The following WAPL variants were observed in gnomAD, a reference collection of about 807,000 sequenced individuals.
WAPL encodes WAPL cohesin release factor.
A neutral mutation model predicts 121.0 loss-of-function variants in WAPL; 5 were observed. The observed-to-expected ratio is 0.04, with a 90% CI of 0.02 to 0.09. The LOEUF is 0.09. WAPL is among the 10% of genes least tolerant of loss of function. WAPL has a pLI of 1.00. For missense variants in WAPL, 999 were observed against 1,410.8 expected (o/e 0.71, Z 4.68); for synonymous variants, 480 against 481.5 (o/e 1.00, Z 0.04).
At chr10:86,438,228 A>G (rs2132160536) in intron 17 of WAPL, among the ~76,000 whole-genome samples, 1 of 152,014 alleles carries the variant, frequency 6.6e-6, no homozygotes, top group South Asian at 2.1e-4. Flanking sequence ...CAAAAGCTAC[A>G]AAGAAATATT....
intron 2 of WAPL, among the ~76,000 whole-genome samples, chr10:86,513,279 T>G (rs1400304462): frequency 6.6e-6 from 1 of 151,484 alleles, no homozygotes; most frequent in Non-Finnish European, 1.5e-5. Context: ...TTACAGCCAC[T>G]GTATGTTTTA....
At chr10:86,515,864 C>CTTTTTTTTTT (rs377683656) in intron 2 of WAPL, among the ~76,000 whole-genome samples, 5 of 101,148 alleles carry the variant, frequency 4.9e-5, no homozygotes, top group Admixed American at 1.4e-4. Context: ...CTGTCTATGC[C>CTTTTTTTTTT]TTTTTTTTTT....
chr10:86,439,666 G>C (rs1849413225), intron 17 of WAPL, among the ~76,000 whole-genome samples: 1 of 152,222 alleles, frequency 6.6e-6, no homozygotes, highest in Non-Finnish European at 1.5e-5. Context: ...CCAGGGTCTT[G>C]CAACACTAAA....
chr10:86,474,975 G>T (rs1589515203), intron 4 of WAPL, among the ~76,000 whole-genome samples: 1 of 152,052 alleles, frequency 6.6e-6, no homozygotes, highest in African/African-American at 2.4e-5. Flanking sequence ...GACACAGTGG[G>T]ATCCAAAAAA....
intron 2 of WAPL, among the ~76,000 whole-genome samples, chr10:86,503,524 G>C (rs1279514388): frequency 1.3e-5 from 2 of 151,864 alleles, no homozygotes; most frequent in Non-Finnish European, 2.9e-5. Flanking sequence ...AGGCCGAAGC[G>C]GGTGGGTCAT....
chr10:86,460,518 TA>T, intron 10 of WAPL, 22 bp from the exon 11 acceptor site: 1 of 1,589,312 alleles, frequency 6.3e-7, no homozygotes, highest in South Asian at 1.1e-5. Context: ...GAAACAAACG[TA>T]AGTTAGTATT....
chr10:86,477,288 G>A (rs1218305282), intron 4 of WAPL, among the ~76,000 whole-genome samples: 2 of 152,184 alleles, frequency 1.3e-5, no homozygotes. Context: ...TAAGTGAACT[G>A]TGTATGTAAA....
At position 86,436,735 on chromosome 10, in the gene WAPL, A is replaced by G. The variant is rs1849332279; in HGVS notation, c.*808T>C. 1 of 152,680 alleles carries G rather than the reference A, an allele frequency of 6.5e-6. No homozygotes were observed. The highest frequency in any genetic ancestry group is 1.5e-5 in the Non-Finnish European group (1 of 68,048). The allele number at this position is 152,680 out of a possible 1,614,324, so 9.5% of individuals were successfully genotyped here. A position where few individuals can be genotyped will look rare whatever the true frequency, so the allele number is the denominator to read the frequency against. Reference sequence around the variant, plus strand: ...TGTTTTAAGAGCCTCCCTAGCATTAAGTGTAAACTACCCTGGGTTTGACTA... The same window carrying G: ...TGTTTTAAGAGCCTCCCTAGCATTAGGTGTAAACTACCCTGGGTTTGACTA... On this transcript the variant is annotated 3_prime_UTR_variant, in exon 19 of 19. Transcript: ENST00000298767.
At chr10:86,450,093 T>C (rs1358533580) in intron 15 of WAPL, among the ~76,000 whole-genome samples, 2 of 152,226 alleles carry the variant, frequency 1.3e-5, no homozygotes, top group African/African-American at 4.8e-5. Flanking sequence ...ACTACAGTTA[T>C]ATAAGATGTC....
In WAPL at chr10:86,467,324, G is replaced by C. The variant is rs1472603806; in HGVS notation, c.2325C>G (p.Leu775=). ...MNKIKEKIRR[L]CETVHNKHLD... ...GATGCTTGTTGTGTACAGTTTCACA[G>C]AGCCTTCGGATTTTTTCTTTAATTT... Residue 775 remains leucine (L), a synonymous_variant, in exon 9 of 19, where the codon CTC becomes CTG. Coordinates refer to ENST00000298767, the MANE Select transcript of WAPL (RefSeq NM_015045.5). The C allele has an allele frequency of 1.2e-6, 2 of 1,613,956 alleles. No individual in the cohort carries two copies. Among genetic ancestry groups the C allele is most frequent in the Non-Finnish European group, 8.5e-7 (1 of 1,180,014 alleles).
At chr10:86,496,393 A>G (rs1489175449) in intron 4 of WAPL, among the ~76,000 whole-genome samples, 2 of 152,178 alleles carry the variant, frequency 1.3e-5, no homozygotes, top group Non-Finnish European at 2.9e-5. Context: ...AGTTCCTCAG[A>G]AAGTTATAGG....
At chr10:86,478,655 A>G (rs546951555) in intron 4 of WAPL, among the ~76,000 whole-genome samples, 1 of 152,298 alleles carries the variant, frequency 6.6e-6, no homozygotes, top group East Asian at 1.9e-4. Flanking sequence ...AAAGCTAAAG[A>G]AAAAATATTC....
intron 1 of WAPL, among the ~76,000 whole-genome samples, chr10:86,518,324 T>TA (rs1291294106): frequency 3.9e-5 from 6 of 152,288 alleles, no homozygotes; most frequent in African/African-American, 7.2e-5. Context: ...ACTTACAAAG[T>TA]AAAAAAACTT....
chr10:86,456,939 A>G (rs528467027), intron 12 of WAPL, among the ~76,000 whole-genome samples: 1 of 152,220 alleles, frequency 6.6e-6, no homozygotes, highest in Admixed American at 6.6e-5. Context: ...TCTGACCTCT[A>G]CTGCCACTTC....
At chr10:86,463,210 G>GACAC (rs1333962766) in intron 9 of WAPL, among the ~76,000 whole-genome samples, 4 of 152,348 alleles carry the variant, frequency 2.6e-5, no homozygotes, top group African/African-American at 9.6e-5. Context: ...AGGATCACTT[G>GACAC]AACCCAGAAA....
At chr10:86,441,121 T>C (rs1334697800) in intron 17 of WAPL, among the ~76,000 whole-genome samples, 1 of 152,180 alleles carries the variant, frequency 6.6e-6, no homozygotes, top group African/African-American at 2.4e-5. Flanking sequence ...CTCAATGCCC[T>C]TGCTCCTAGA....
At chr10:86,487,797 A>C (rs1408766775) in intron 4 of WAPL, among the ~76,000 whole-genome samples, 1 of 152,202 alleles carries the variant, frequency 6.6e-6, no homozygotes, top group African/African-American at 2.4e-5. Context: ...TGGGAGGCTG[A>C]GGCAGGAGAA....
rs181456032 is a variant in WAPL at position 86,455,166 on chromosome 10, C to T, written c.2658-1335G>A. The stretch of plus-strand genomic sequence containing the variant: ...GAAGTGAGGAGCCCCTCTGCCCGGC[C>T]GCCACCCCGTCTGGGAGGTGTACCC... On this transcript the variant is annotated intron_variant, in intron 12 of 18. Coordinates refer to ENST00000298767, the MANE Select transcript of WAPL (RefSeq NM_015045.5). 4.9e-3 allele frequency among the ~76,000 whole-genome samples: 738 copies of T among 150,908 alleles called. 7 individuals carry two copies. Among genetic ancestry groups the T allele is most frequent in the African/African-American group, 0.017 (690 of 41,098 alleles).
chr10:86,449,779 A>G (rs1840930040), intron 15 of WAPL, among the ~76,000 whole-genome samples: 1 of 152,200 alleles, frequency 6.6e-6, no homozygotes, highest in Non-Finnish European at 1.5e-5. Flanking sequence ...GAAAGAGACT[A>G]GAATGATAGA....
Sources: gnomAD v4.1 joint callset for allele counts (sites outside exome capture counted in the v4.1 genomes callset) on GRCh38, gnomAD v4.1.1 for gene constraint, MANE v1.5 for transcripts, NCBI Gene and HGNC (gene_info 2026-07-23, HGNC 2026-07-21) for gene names.